Variants in GPATCH2 observed in about 807,000 individuals in gnomAD.
GPATCH2 encodes G patch domain-containing protein 2.
GPATCH2 carries 51 observed loss-of-function variants against 58.0 expected under a neutral mutation model. That is an observed-to-expected ratio of 0.88 (90% confidence interval 0.70 to 1.11). GPATCH2 has a LOEUF of 1.11. GPATCH2 is among the 50% of genes most tolerant of loss of function. GPATCH2 has a pLI of 0.00. For missense variants in GPATCH2, 625 were observed against 652.2 expected, an observed-to-expected ratio of 0.96 and a Z score of 0.45; for synonymous variants, 222 against 218.5, an observed-to-expected ratio of 1.02 and a Z score of -0.14.
Position 217,610,303 on chromosome 1 carries a change from C to T in GPATCH2, c.1098+18G>A. ...AACATTTCCAAACATGACAATTACA[C>T]AGAAAAAGTATGCCTACCATTGAAG... On this transcript the variant is annotated intron_variant, in intron 5 of 9. Transcript: ENST00000366935. 6.5e-7 allele frequency: 1 copy of T among 1,532,678 alleles called. No homozygotes were observed. Among genetic ancestry groups the T allele is most frequent in the Non-Finnish European group, 9.0e-7 (1 of 1,108,234 alleles). The allele number at this position is 1,532,678 out of a possible 1,614,324, so 94.9% of individuals were successfully genotyped here. A position where few individuals can be genotyped will look rare whatever the true frequency, so the allele number is the denominator to read the frequency against.
At chr1:217,619,746 G>T in intron 2 of GPATCH2, 37 bp downstream of exon 2, 1 of 793,306 alleles carries the variant, frequency 1.3e-6, no homozygotes, top group Non-Finnish European at 1.9e-6. Context: ...AAACACTGGA[G>T]ATAAATATTT....
At chr1:217,473,605 A>G (rs575972857) in intron 8 of GPATCH2, among the ~76,000 whole-genome samples, 104 of 152,216 alleles carry the variant, frequency 6.8e-4, no homozygotes, top group Non-Finnish European at 1.0e-3. Context: ...ATAAAACTTC[A>G]TAGCAGGCAA....
intron 1 of GPATCH2, among the ~76,000 whole-genome samples, chr1:217,629,820 T>C (rs1669650821): frequency 6.6e-6 from 1 of 152,204 alleles, no homozygotes; most frequent in African/African-American, 2.4e-5. Flanking sequence ...TATAATCAAA[T>C]CTATATTCAC....
chr1:217,598,797 T>C (rs899706933), intron 5 of GPATCH2, among the ~76,000 whole-genome samples: 2 of 152,338 alleles, frequency 1.3e-5, no homozygotes, highest in African/African-American at 4.8e-5. Context: ...AATGTGCTAA[T>C]AGCTCCCATC....
In GPATCH2 at chr1:217,620,059, C is replaced by A; in HGVS notation, c.497G>T (p.Arg166Leu). The change falls in exon 2 of 10, where the codon CGC becomes CTC. Residue 166 changes from arginine to leucine, a missense_variant. Physicochemically the swap from Arg to Leu is moderately radical, Grantham distance 102. Coordinates refer to ENST00000366935, the MANE Select transcript of GPATCH2 (RefSeq NM_018040.5). ...RTLRRRRKVKRMAVDLPQDIS... is the reference protein window; with the variant it reads ...RTLRRRRKVKLMAVDLPQDIS... Reference sequence around the variant, plus strand: ...GTCCTGTGGGAGATCTACTGCCATGCGTTTTACCTTTCTCCTCCTGCGCAG... The same window carrying A: ...GTCCTGTGGGAGATCTACTGCCATGAGTTTTACCTTTCTCCTCCTGCGCAG... 1 of 1,613,940 alleles carries A rather than the reference C, an allele frequency of 6.2e-7. No individual in the cohort carries two copies. The highest frequency in any genetic ancestry group is 8.5e-7 in the Non-Finnish European group (1 of 1,179,982).
At chr1:217,529,977 A>T (rs1313534807) in intron 5 of GPATCH2, among the ~76,000 whole-genome samples, 3 of 152,228 alleles carry the variant, frequency 2.0e-5, no homozygotes, top group Non-Finnish European at 4.4e-5. Flanking sequence ...TCACTGTTTC[A>T]TAGTAAAAAA....
At chr1:217,496,647 C>T (rs377124619) in intron 7 of GPATCH2, among the ~76,000 whole-genome samples, 8 of 152,092 alleles carry the variant, frequency 5.3e-5, no homozygotes, top group African/African-American at 1.7e-4. Flanking sequence ...GCCCTGAGTT[C>T]GATGTTAATG....
intron 5 of GPATCH2, among the ~76,000 whole-genome samples, chr1:217,590,056 T>G (rs1354334201): frequency 2.0e-5 from 3 of 151,486 alleles, no homozygotes; most frequent in African/African-American, 4.8e-5. Context: ...AGTCTCACTC[T>G]GCTACCCAGG....
chr1:217,513,076 G>C (rs946024418), intron 6 of GPATCH2, among the ~76,000 whole-genome samples: 3 of 152,156 alleles, frequency 2.0e-5, no homozygotes, highest in Non-Finnish European at 4.4e-5. Context: ...GAAGGCCTGA[G>C]GTCAGGAGTT....
chr1:217,476,125 C>A (rs1660956989), intron 8 of GPATCH2, among the ~76,000 whole-genome samples: 1 of 151,666 alleles, frequency 6.6e-6, no homozygotes, highest in Non-Finnish European at 1.5e-5. Flanking sequence ...ACAATGATAA[C>A]CAGAACTAAA....
At position 217,498,389 on chromosome 1, in the gene GPATCH2, C is replaced by T; in HGVS notation, c.1173G>A (p.Trp391Ter). ...FSPDSHHHDH[W>*]FSPGARTEHD... Reference sequence around the variant, plus strand: ...GCTCTGTCCTAGCCCCAGGGCTAAACCAATGGCTGCAGAGGAAAGAAAAAG... The same window carrying T: ...GCTCTGTCCTAGCCCCAGGGCTAAATCAATGGCTGCAGAGGAAAGAAAAAG... The change falls in exon 7 of 10, where the codon TGG (tryptophan) becomes TGA (stop). Residue 391 changes from tryptophan to a stop codon, truncating the protein, a stop_gained. Coordinates refer to ENST00000366935, the MANE Select transcript of GPATCH2 (RefSeq NM_018040.5). LOFTEE classifies it high-confidence loss of function. 6.2e-7 allele frequency: 1 copy of T among 1,612,712 alleles called. No homozygotes were observed. Among genetic ancestry groups the T allele is most frequent in the African/African-American group, 1.3e-5 (1 of 75,006 alleles).
At chr1:217,572,676 T>C (rs982711348) in intron 5 of GPATCH2, among the ~76,000 whole-genome samples, 4 of 152,202 alleles carry the variant, frequency 2.6e-5, no homozygotes, top group Admixed American at 1.3e-4. Flanking sequence ...TAAAATTCTC[T>C]CACCCTGGCT....
chr1:217,487,368 C>T (rs1661499926), intron 8 of GPATCH2, among the ~76,000 whole-genome samples: 1 of 151,788 alleles, frequency 6.6e-6, no homozygotes, highest in Non-Finnish European at 1.5e-5. Context: ...TTGCAATCCA[C>T]ATGTCTTGAT....
intron 8 of GPATCH2, among the ~76,000 whole-genome samples, chr1:217,458,537 A>C (rs2102484123): frequency 6.6e-6 from 1 of 152,240 alleles, no homozygotes; most frequent in East Asian, 1.9e-4. Context: ...GATTCGAGAG[A>C]CCTGCTGTTA....
At chr1:217,573,671 A>T (rs73105654) in intron 5 of GPATCH2, among the ~76,000 whole-genome samples, 7,205 of 152,226 alleles carry the variant, frequency 0.047, 564 homozygotes, top group African/African-American at 0.16. Flanking sequence ...GTCTAACTAA[A>T]CTTTACGAGT....
intron 9 of GPATCH2, among the ~76,000 whole-genome samples, chr1:217,442,025 A>G (rs1348297600): frequency 6.6e-6 from 1 of 152,236 alleles, no homozygotes; most frequent in East Asian, 1.9e-4. Flanking sequence ...TCATTCTACT[A>G]TAAAGACACA....
At chr1:217,508,555 G>A (rs375945487) in intron 6 of GPATCH2, among the ~76,000 whole-genome samples, 72 of 152,118 alleles carry the variant, frequency 4.7e-4, no homozygotes, top group African/African-American at 1.5e-3. Flanking sequence ...TAAGTGATTG[G>A]AAAAAGAAAG....
chr1:217,567,066 G>A (rs1260660938), intron 5 of GPATCH2, among the ~76,000 whole-genome samples: 3 of 96,706 alleles, frequency 3.1e-5, no homozygotes, highest in Non-Finnish European at 7.5e-5. Context: ...TTTTTTTTGA[G>A]ACGGAGTTTT....
chr1:217,549,963 C>G (rs1182955913), intron 5 of GPATCH2, among the ~76,000 whole-genome samples: 4 of 152,192 alleles, frequency 2.6e-5, no homozygotes, highest in Non-Finnish European at 5.9e-5. Context: ...TCATTTCCTT[C>G]TCATTAGTTC....
Sources: gnomAD v4.1 joint callset for allele counts (sites outside exome capture counted in the v4.1 genomes callset) on GRCh38, gnomAD v4.1.1 for gene constraint, MANE v1.5 for transcripts, NCBI Gene and HGNC (gene_info 2026-07-23, HGNC 2026-07-21) for gene names.